Variants in RIMS2 observed in about 807,000 individuals in gnomAD.
RIMS2 encodes regulating synaptic membrane exocytosis 2, also known as regulating synaptic membrane exocytosis protein 2.
Under a neutral mutation model 174.4 loss-of-function variants are expected in RIMS2, and 59 were observed. That is an observed-to-expected ratio of 0.34 (90% CI 0.27 to 0.42). RIMS2 has a LOEUF of 0.42. Ranked by LOEUF, RIMS2 falls within the 10% of genes least tolerant of loss-of-function variation. RIMS2 has a pLI of 1.00. For synonymous variants in RIMS2, 606 were observed against 572.5 expected (o/e 1.06, Z -0.84); for missense variants, 1,620 against 1,666.3 (o/e 0.97, Z 0.48).
chr8:103,823,477 T>C (rs1447973845), intron 3 of RIMS2, among the ~76,000 whole-genome samples: 2 of 151,998 alleles, frequency 1.3e-5, no homozygotes, highest in African/African-American at 4.8e-5. Flanking sequence ...GCTACTCTAA[T>C]TATAAAAGTG....
chr8:103,913,178 C>T (rs1394499360), intron 6 of RIMS2, among the ~76,000 whole-genome samples: 2 of 151,002 alleles, frequency 1.3e-5, no homozygotes, highest in African/African-American at 2.4e-5. Flanking sequence ...CGGGGTTTCA[C>T]CATGTTGGCC....
chr8:103,645,609 C>T (rs2096311489), intron 1 of RIMS2, among the ~76,000 whole-genome samples: 1 of 152,060 alleles, frequency 6.6e-6, no homozygotes, highest in South Asian at 2.1e-4. Context: ...CATAAGTTTA[C>T]CTCTTAGGAT....
intron 3 of RIMS2, among the ~76,000 whole-genome samples, chr8:103,883,527 T>A (rs955469906): frequency 1.3e-5 from 2 of 151,864 alleles, no homozygotes; most frequent in African/African-American, 2.4e-5. Flanking sequence ...TATGGTTTTA[T>A]GTAACAATTG....
chr8:103,652,124 C>T, intron 1 of RIMS2, 81 bp from the exon 2 acceptor site: 1 of 623,306 alleles, frequency 1.6e-6, no homozygotes, highest in Non-Finnish European at 2.5e-6. Flanking sequence ...TTTTTGGTGT[C>T]CATTTTATAT....
intron 19 of RIMS2, among the ~76,000 whole-genome samples, chr8:104,035,507 GT>G (rs923875292): frequency 3.9e-4 from 56 of 144,002 alleles, no homozygotes; most frequent in South Asian, 1.1e-3. Context: ...GTGTAGGTAG[GT>G]TTTTTTTTTT....
chr8:103,651,493 A>G (rs1312745920), intron 1 of RIMS2, among the ~76,000 whole-genome samples: 1 of 152,212 alleles, frequency 6.6e-6, no homozygotes. Flanking sequence ...AGAGAATTAG[A>G]AAGTAGTTTT....
At chr8:103,910,594 C>A in intron 5 of RIMS2, 65 bp downstream of exon 8, 2 of 894,616 alleles carry the variant, frequency 2.2e-6, no homozygotes, top group Non-Finnish European at 3.5e-6. Context: ...CTCTGTCACT[C>A]ATTAAAACAG....
At chr8:103,831,427 G>A (rs1234171802) in intron 3 of RIMS2, among the ~76,000 whole-genome samples, 1 of 152,130 alleles carries the variant, frequency 6.6e-6, no homozygotes, top group Non-Finnish European at 1.5e-5. Flanking sequence ...CAGTCTCAGA[G>A]TGACTCGAGG....
intron 19 of RIMS2, among the ~76,000 whole-genome samples, chr8:104,207,387 G>A (rs972844639): frequency 6.6e-6 from 1 of 152,176 alleles, no homozygotes; most frequent in Non-Finnish European, 1.5e-5. Flanking sequence ...AGATGGAGTA[G>A]AATAATAATA....
chr8:103,719,375 T>C (rs1046721432), intron 2 of RIMS2, among the ~76,000 whole-genome samples: 11 of 152,234 alleles, frequency 7.2e-5, no homozygotes, highest in African/African-American at 2.4e-4. Context: ...TAGTAAGATA[T>C]GCAGTATGCA....
chr8:104,255,805 C>T (rs928913098), downstream of RIMS2: 8 of 152,210 alleles, frequency 5.3e-5, no homozygotes, highest in Admixed American at 5.2e-4. Context: ...ACACATCCAC[C>T]TCTGGACTGT....
chr8:104,209,628 A>C (rs901182182), intron 19 of RIMS2, among the ~76,000 whole-genome samples: 1 of 152,214 alleles, frequency 6.6e-6, no homozygotes, highest in African/African-American at 2.4e-5. Context: ...TCCCCTTGCT[A>C]GAATATGAGC....
chr8:103,932,548 A>G (rs1595392202), intron 12 of RIMS2, among the ~76,000 whole-genome samples: 1 of 152,180 alleles, frequency 6.6e-6, no homozygotes, highest in South Asian at 2.1e-4. Flanking sequence ...TCTTTTGGAG[A>G]GAGATACATG....
intron 1 of RIMS2, among the ~76,000 whole-genome samples, chr8:103,535,166 T>G (rs1173236496): frequency 2.6e-5 from 4 of 152,232 alleles, no homozygotes; most frequent in African/African-American, 9.6e-5. Context: ...ATGTCAGAAC[T>G]TTCTCTTTGT....
At chr8:104,019,016 G>T (rs891457483) in intron 19 of RIMS2, among the ~76,000 whole-genome samples, 1 of 151,980 alleles carries the variant, frequency 6.6e-6, no homozygotes, top group Non-Finnish European at 1.5e-5. Flanking sequence ...TGGCCAACAT[G>T]GCAAAACCCC....
intron 2 of RIMS2, among the ~76,000 whole-genome samples, chr8:103,734,735 C>T (rs1427574427): frequency 2.0e-5 from 3 of 152,058 alleles, no homozygotes; most frequent in Non-Finnish European, 4.4e-5. Context: ...TGAAGCGTTC[C>T]TCAGATCTCT....
At chr8:103,931,820 ATAT>A (rs1390457464) in intron 12 of RIMS2, among the ~76,000 whole-genome samples, 1 of 152,060 alleles carries the variant, frequency 6.6e-6, no homozygotes, top group Non-Finnish European at 1.5e-5. Flanking sequence ...TCTTACCAAG[ATAT>A]TATTTCTCTC....
intron 1 of RIMS2, among the ~76,000 whole-genome samples, chr8:103,591,425 A>G (rs2094251904): frequency 6.6e-6 from 1 of 150,944 alleles, no homozygotes; most frequent in South Asian, 2.1e-4. Context: ...ATGAAATTGG[A>G]TTTATCACTT....
intron 1 of RIMS2, among the ~76,000 whole-genome samples, chr8:103,583,857 C>G (rs926678340): frequency 6.6e-6 from 1 of 152,098 alleles, no homozygotes; most frequent in African/African-American, 2.4e-5. Flanking sequence ...AAAGTTAATT[C>G]AAAGGGTAAC....
Sources: allele counts gnomAD v4.1 joint callset (sites outside exome capture counted in the v4.1 genomes callset), GRCh38; gene constraint gnomAD v4.1.1; transcripts MANE v1.5; gene names NCBI Gene and HGNC (gene_info 2026-07-23, HGNC 2026-07-21).